The following MYLK4 variants were observed in gnomAD, a reference collection of about 807,000 sequenced individuals.
MYLK4 encodes caMLCK like.
In MYLK4, 46 loss-of-function variants were observed where a neutral mutation model predicts 48.1. The observed-to-expected ratio is 0.96, with a 90% confidence interval of 0.75 to 1.22. The LOEUF is 1.22. MYLK4 is among the 50% of genes most tolerant of loss of function. The pLI is 0.00. For missense variants in MYLK4, 451 were observed against 486.1 expected, an observed-to-expected ratio of 0.93 and a Z score of 0.68; for synonymous variants, 170 against 180.8, an observed-to-expected ratio of 0.94 and a Z score of 0.48.
upstream of MYLK4, among the ~76,000 whole-genome samples, chr6:2,754,584 G>A (rs1764379078): frequency 1.3e-5 from 2 of 152,188 alleles, no homozygotes; most frequent in South Asian, 4.1e-4. Flanking sequence ...AGTGATGACT[G>A]TACAACTCAT....
the MYLK4 span, chr6:2,770,289 C>G: frequency 6.2e-7 from 1 of 1,614,174 alleles, no homozygotes; most frequent in Non-Finnish European, 8.5e-7. Flanking sequence ...GCGATCAACT[C>G]CCTGGGAATC....
the MYLK4 span, among the ~76,000 whole-genome samples, chr6:2,761,539 C>T: frequency 6.6e-6 from 1 of 152,214 alleles, no homozygotes; most frequent in East Asian, 1.9e-4. Context: ...AATATTACTA[C>T]AGGACCTACT....
At chr6:2,755,826 A>G (rs950772417), upstream of MYLK4, among the ~76,000 whole-genome samples, 1 of 152,228 alleles carries the variant, frequency 6.6e-6, no homozygotes, top group Admixed American at 6.5e-5. Flanking sequence ...TCTCAATTCT[A>G]ATTTCCTGAT....
At chr6:2,742,844 T>C (rs1190451754) in intron 2 of MYLK4, among the ~76,000 whole-genome samples, 1 of 151,904 alleles carries the variant, frequency 6.6e-6, no homozygotes, top group Non-Finnish European at 1.5e-5. Context: ...ATTGTGCACA[T>C]GTACCCTAAA....
chr6:2,766,545 G>A, the MYLK4 span: 406,036 of 1,410,190 alleles, frequency 0.29, 60,586 homozygotes, highest in East Asian at 0.38. Flanking sequence ...GAAGCCGCCT[G>A]CCTCTCCTGG....
chr6:2,752,937 C>A (rs1166774743), upstream of MYLK4, among the ~76,000 whole-genome samples: 1 of 152,098 alleles, frequency 6.6e-6, no homozygotes, highest in Non-Finnish European at 1.5e-5. Flanking sequence ...CAACCCTTGA[C>A]CACAAAAAAA....
At chr6:2,738,378 C>T (rs570974910) in intron 2 of MYLK4, among the ~76,000 whole-genome samples, 85 of 152,312 alleles carry the variant, frequency 5.6e-4, no homozygotes, top group African/African-American at 2.0e-3. Flanking sequence ...TGCTGGCAAA[C>T]TGCATTTAGT....
intron 9 of MYLK4, 80 bp from the exon 10 acceptor site, chr6:2,678,452 C>T: frequency 1.4e-6 from 2 of 1,470,840 alleles, no homozygotes; most frequent in South Asian, 2.6e-5. Context: ...TCTGGTTGTG[C>T]CATTTAAAGG....
At chr6:2,716,957 T>A (rs1389942753) in intron 2 of MYLK4, among the ~76,000 whole-genome samples, 1 of 152,234 alleles carries the variant, frequency 6.6e-6, no homozygotes, top group Non-Finnish European at 1.5e-5. Context: ...TTCTTCAGTC[T>A]GGGCCCTGGG....
the MYLK4 span, among the ~76,000 whole-genome samples, chr6:2,759,148 C>T: frequency 6.6e-6 from 1 of 152,206 alleles, no homozygotes; most frequent in African/African-American, 2.4e-5. Flanking sequence ...ACAGGTCTTA[C>T]TCTGTCACCC....
chr6:2,701,028 T>G (rs189635625), intron 2 of MYLK4, among the ~76,000 whole-genome samples: 1 of 152,132 alleles, frequency 6.6e-6, no homozygotes, highest in Admixed American at 6.5e-5. Flanking sequence ...AGAGCGTGAG[T>G]GCATGTGTGT....
chr6:2,752,353 C>T (rs980757855), upstream of MYLK4, among the ~76,000 whole-genome samples: 14 of 152,070 alleles, frequency 9.2e-5, no homozygotes, highest in African/African-American at 3.1e-4. Flanking sequence ...CCATGGTGAA[C>T]GTTATTATTA....
chr6:2,765,194 G>GCCCCT, the MYLK4 span, among the ~76,000 whole-genome samples: 1 of 56,662 alleles, frequency 1.8e-5, no homozygotes, highest in African/African-American at 6.9e-5. Context: ...CCCCCCCCCC[G>GCCCCT]CCCCTCCCCC....
chr6:2,738,773 C>T (rs1763790081), intron 2 of MYLK4, among the ~76,000 whole-genome samples: 1 of 152,196 alleles, frequency 6.6e-6, no homozygotes. Flanking sequence ...ACTGATAGCG[C>T]TTGTTTTCAA....
At chr6:2,768,616 G>A in the MYLK4 span, 2 of 1,308,902 alleles carry the variant, frequency 1.5e-6, no homozygotes, top group Non-Finnish European at 1.0e-6. Flanking sequence ...GATGCTGCGT[G>A]TGGTGGTTCC....
At position 2,675,135 on chromosome 6, in the gene MYLK4, A is replaced by G; in HGVS notation, c.1041-10T>C. 1 of 1,608,116 alleles carries G rather than the reference A, an allele frequency of 6.2e-7. No homozygotes were observed. Among genetic ancestry groups the G allele is most frequent in the Non-Finnish European group, 8.5e-7 (1 of 1,174,668 alleles). On this transcript the variant is annotated splice_polypyrimidine_tract_variant and intron_variant, in intron 10 of 12. Coordinates refer to ENST00000274643, the MANE Select transcript of MYLK4 (RefSeq NM_001012418.5). ...TGCACTTATTCGCCAACTAGAAGGA[A>G]ATTCAGAAGGTGATTAGTAGAAACA... is the stretch of plus-strand genomic sequence containing the variant.
At chr6:2,677,900 T>C (rs557341157) in intron 10 of MYLK4, among the ~76,000 whole-genome samples, 2 of 152,326 alleles carry the variant, frequency 1.3e-5, no homozygotes, top group South Asian at 4.1e-4. Flanking sequence ...ATATACAGCT[T>C]AGTAGAGGTG....
chr6:2,675,867 TGG>T (rs1761060618), intron 10 of MYLK4, among the ~76,000 whole-genome samples: 2 of 151,454 alleles, frequency 1.3e-5, no homozygotes, highest in African/African-American at 2.4e-5. Flanking sequence ...CCGAGGCGGG[TGG>T]ATCACGAAAT....
chr6:2,743,540 C>G (rs190790175), intron 2 of MYLK4, among the ~76,000 whole-genome samples: 1 of 152,138 alleles, frequency 6.6e-6, no homozygotes. Flanking sequence ...TGTTTGCAAT[C>G]GATTTCTTAG....
Sources: gnomAD v4.1 joint callset for allele counts (sites outside exome capture counted in the v4.1 genomes callset) on GRCh38, gnomAD v4.1.1 for gene constraint, MANE v1.5 for transcripts, NCBI Gene and HGNC (gene_info 2026-07-23, HGNC 2026-07-21) for gene names.